Variants in LDLRAD4 observed in about 807,000 individuals in gnomAD.
LDLRAD4 encodes the protein low density lipoprotein receptor class A domain containing 4.
Under a neutral mutation model 17.0 loss-of-function variants are expected in LDLRAD4, and 5 were observed. The ratio of observed to expected loss-of-function variants is 0.29; its 90% CI spans 0.15 to 0.62. The LOEUF (loss-of-function observed/expected upper bound fraction) is 0.62. LDLRAD4 is among the 20% of genes least tolerant of loss of function. LDLRAD4 has a pLI of 0.84. For synonymous variants in LDLRAD4, 168 were observed against 171.8 expected (o/e 0.98, Z 0.17); for missense variants, 340 against 424.7 (o/e 0.80, Z 1.75).
intron 1 of LDLRAD4, among the ~76,000 whole-genome samples, chr18:13,360,802 C>G (rs1221126154): frequency 6.6e-6 from 1 of 152,196 alleles, no homozygotes; most frequent in African/African-American, 2.4e-5. Flanking sequence ...TGGTATGTAC[C>G]ACTTTGACGC....
chr18:13,289,648 G>A (rs962935574), intron 1 of LDLRAD4, among the ~76,000 whole-genome samples: 2 of 152,210 alleles, frequency 1.3e-5, no homozygotes, highest in East Asian at 3.9e-4. Context: ...ATGAGTCATT[G>A]CTAAAATTAT....
chr18:13,530,062 G>GA (rs981069837), intron 3 of LDLRAD4, among the ~76,000 whole-genome samples: 7 of 151,582 alleles, frequency 4.6e-5, no homozygotes, highest in Middle Eastern at 3.2e-3. Context: ...CAAGTTAAAG[G>GA]AAAAAAAACA....
At chr18:13,413,304 A>G (rs2088553697) in intron 2 of LDLRAD4, among the ~76,000 whole-genome samples, 1 of 152,208 alleles carries the variant, frequency 6.6e-6, no homozygotes, top group Non-Finnish European at 1.5e-5. Flanking sequence ...GTACGTGTTC[A>G]CTACTCACTG....
intron 3 of LDLRAD4, among the ~76,000 whole-genome samples, chr18:13,597,463 T>A (rs2095108910): frequency 6.6e-6 from 1 of 152,136 alleles, no homozygotes; most frequent in African/African-American, 2.4e-5. Flanking sequence ...ATAACTTTAG[T>A]ACATTTTCAG....
intron 1 of LDLRAD4, chr18:13,240,631 TGCATGTGTGCATGC>T (rs2042589904): frequency 6.6e-6 from 1 of 152,336 alleles, no homozygotes. Flanking sequence ...TGTGCTTGTG[TGCATGTGTGCATGC>T]GCATGTATGC....
intron 3 of LDLRAD4, chr18:13,561,579 A>T (rs1337318626): frequency 6.6e-6 from 1 of 152,238 alleles, no homozygotes; most frequent in East Asian, 1.9e-4. Flanking sequence ...GTACTTCATC[A>T]TCGGGAGTGG....
At chr18:13,359,319 C>T (rs921453766) in intron 1 of LDLRAD4, among the ~76,000 whole-genome samples, 1 of 152,116 alleles carries the variant, frequency 6.6e-6, no homozygotes, top group African/African-American at 2.4e-5. Context: ...AGTAGCCTTT[C>T]TGTGGAGGAA....
At chr18:13,374,638 C>A (rs12458788) in intron 1 of LDLRAD4, among the ~76,000 whole-genome samples, 8,090 of 152,302 alleles carry the variant, frequency 0.053, 504 homozygotes, top group African/African-American at 0.15. Context: ...TGAGACACTG[C>A]AGAGTCCTGC....
At chr18:13,325,350 A>G (rs944564851) in intron 1 of LDLRAD4, among the ~76,000 whole-genome samples, 2 of 152,210 alleles carry the variant, frequency 1.3e-5, no homozygotes, top group African/African-American at 2.4e-5. Flanking sequence ...GAAGACGCAG[A>G]GTAGGATTTC....
intron 1 of LDLRAD4, among the ~76,000 whole-genome samples, chr18:13,228,220 G>C (rs1189646738): frequency 6.6e-6 from 1 of 152,194 alleles, no homozygotes; most frequent in Non-Finnish European, 1.5e-5. Context: ...TGTGCTGAAG[G>C]CTGCTAATGG....
At chr18:13,547,289 T>G (rs1435172467) in intron 3 of LDLRAD4, among the ~76,000 whole-genome samples, 3 of 152,182 alleles carry the variant, frequency 2.0e-5, no homozygotes, top group Non-Finnish European at 2.9e-5. Context: ...TAAAACTATT[T>G]GAAAAATTAA....
intron 1 of LDLRAD4, among the ~76,000 whole-genome samples, chr18:13,291,308 A>G (rs903841578): frequency 5.9e-5 from 9 of 152,246 alleles, no homozygotes; most frequent in African/African-American, 2.2e-4. Flanking sequence ...AGGTGTTGGA[A>G]GGCAAAAGCA....
chr18:13,559,143 C>T (rs2094514737), intron 3 of LDLRAD4, among the ~76,000 whole-genome samples: 1 of 152,212 alleles, frequency 6.6e-6, no homozygotes, highest in African/African-American at 2.4e-5. Flanking sequence ...GTCACTGTCT[C>T]TTTAAGGAAA....
intron 1 of LDLRAD4, among the ~76,000 whole-genome samples, chr18:13,228,185 T>C (rs993638188): frequency 6.6e-6 from 1 of 152,158 alleles, no homozygotes; most frequent in Non-Finnish European, 1.5e-5. Flanking sequence ...GGAGATGGTA[T>C]GAGGCCTGCG....
intron 2 of LDLRAD4, among the ~76,000 whole-genome samples, chr18:13,400,870 CTG>C (rs1418528003): frequency 1.3e-5 from 2 of 152,196 alleles, no homozygotes; most frequent in Non-Finnish European, 2.9e-5. Context: ...ATACCAGACA[CTG>C]TAGTAGGCAC....
intron 2 of LDLRAD4, among the ~76,000 whole-genome samples, chr18:13,430,661 A>G (rs955844570): frequency 6.6e-5 from 10 of 152,242 alleles, no homozygotes; most frequent in African/African-American, 2.4e-4. Context: ...TGATACACAC[A>G]CACATGCATA....
chr18:13,475,964 G>A (rs1355672578), intron 3 of LDLRAD4, among the ~76,000 whole-genome samples: 2 of 152,114 alleles, frequency 1.3e-5, no homozygotes, highest in African/African-American at 2.4e-5. Flanking sequence ...CCAGGAGATC[G>A]GCCTCATTGG....
At chr18:13,607,699 G>C (rs1240298893) in intron 3 of LDLRAD4, among the ~76,000 whole-genome samples, 2 of 152,012 alleles carry the variant, frequency 1.3e-5, no homozygotes, top group Non-Finnish European at 2.9e-5. Flanking sequence ...TGTGGTGTTT[G>C]GTTTTCTGTT....
intron 3 of LDLRAD4, among the ~76,000 whole-genome samples, chr18:13,608,516 A>G (rs2095246625): frequency 6.6e-6 from 1 of 152,196 alleles, no homozygotes; most frequent in Non-Finnish European, 1.5e-5. Context: ...ATGAGCTCTG[A>G]GTAGCCGCTG....
Sources: gnomAD v4.1 joint callset for allele counts (sites outside exome capture counted in the v4.1 genomes callset) on GRCh38, gnomAD v4.1.1 for gene constraint, MANE v1.5 for transcripts, NCBI Gene and HGNC (gene_info 2026-07-23, HGNC 2026-07-21) for gene names.